GRAMD1B: variants seen among roughly 807,000 people sequenced by gnomAD.
The protein encoded by GRAMD1B is protein Aster-B.
GRAMD1B carries 37 observed loss-of-function variants against 99.7 expected under a neutral mutation model. The ratio of observed to expected loss-of-function variants is 0.37; its 90% CI spans 0.29 to 0.49. GRAMD1B has a LOEUF of 0.49. GRAMD1B is among the 20% of genes least tolerant of loss of function. The pLI, the probability that GRAMD1B is intolerant of heterozygous loss-of-function variation, is 0.98. For missense variants in GRAMD1B, 888 were observed against 1,009.2 expected, an observed-to-expected ratio of 0.88 and a Z score of 1.63; for synonymous variants, 427 against 387.6, an observed-to-expected ratio of 1.10 and a Z score of -1.19.
intron 7 of GRAMD1B, chr11:123,598,488 A>C: frequency 8.3e-7 from 1 of 1,199,006 alleles, no homozygotes; most frequent in South Asian, 1.2e-5. Context: ...GGCTTCTAGA[A>C]AAGCAATGTC....
At chr11:123,448,417 G>A (rs139812660) in intron 1 of GRAMD1B, among the ~76,000 whole-genome samples, 23 of 152,148 alleles carry the variant, frequency 1.5e-4, no homozygotes, top group South Asian at 2.1e-4. Context: ...ACGGGGTTTC[G>A]CCATATTGGC....
intron 2 of GRAMD1B, 110 bp from the exon 3 acceptor site, chr11:123,577,257 G>T: frequency 2.3e-6 from 2 of 887,178 alleles, no homozygotes; most frequent in South Asian, 3.1e-5. Flanking sequence ...CCCTCACCTG[G>T]CTCCCTGAGC....
At chr11:123,375,580 G>A (rs1222583955) in intron 1 of GRAMD1B, among the ~76,000 whole-genome samples, 1 of 152,176 alleles carries the variant, frequency 6.6e-6, no homozygotes, top group Non-Finnish European at 1.5e-5. Flanking sequence ...AAGATAACTA[G>A]CAATGTACTA....
intron 1 of GRAMD1B, among the ~76,000 whole-genome samples, chr11:123,388,862 G>A (rs1205116381): frequency 6.6e-6 from 1 of 152,172 alleles, no homozygotes; most frequent in African/African-American, 2.4e-5. Flanking sequence ...GGAACTGTGA[G>A]AAATAGATTT....
intron 1 of GRAMD1B, among the ~76,000 whole-genome samples, chr11:123,475,289 T>C (rs1156278043): frequency 1.3e-5 from 2 of 152,190 alleles, no homozygotes; most frequent in Non-Finnish European, 2.9e-5. Context: ...CTCAGATTCC[T>C]GTGGATTTTT....
At chr11:123,515,921 C>T (rs1412383200) in intron 2 of GRAMD1B, among the ~76,000 whole-genome samples, 2 of 152,114 alleles carry the variant, frequency 1.3e-5, no homozygotes, top group African/African-American at 4.8e-5. Context: ...GTGGGCAACA[C>T]CACGCCGGGC....
chr11:123,415,394 A>C (rs2953190), intron 1 of GRAMD1B, among the ~76,000 whole-genome samples: 60,741 of 151,810 alleles, frequency 0.4, 14,147 homozygotes, highest in African/African-American at 0.66. Context: ...AGCCACCGTG[A>C]CCAGCCAAGG....
At chr11:123,571,684 G>A (rs73027994) in intron 2 of GRAMD1B, among the ~76,000 whole-genome samples, 1,918 of 152,232 alleles carry the variant, frequency 0.013, 28 homozygotes, top group Non-Finnish European at 0.021. Flanking sequence ...ATGAATGAGA[G>A]CTGATGATTT....
At chr11:123,462,211 C>G (rs1950460726) in intron 1 of GRAMD1B, among the ~76,000 whole-genome samples, 1 of 151,992 alleles carries the variant, frequency 6.6e-6, no homozygotes, top group Admixed American at 6.6e-5. Flanking sequence ...TCGTGATCTG[C>G]CCGCCTTGGC....
At chr11:123,374,286 A>G (rs1279157960) in intron 1 of GRAMD1B, among the ~76,000 whole-genome samples, 1 of 152,164 alleles carries the variant, frequency 6.6e-6, no homozygotes, top group Non-Finnish European at 1.5e-5. Flanking sequence ...GAGGTAGGCC[A>G]TTTTGCTGTT....
chr11:123,542,974 TC>T (rs1944694443), intron 2 of GRAMD1B, among the ~76,000 whole-genome samples: 1 of 94,554 alleles, frequency 1.1e-5, no homozygotes, highest in African/African-American at 2.9e-5. Flanking sequence ...TTTTTCTTTT[TC>T]TTTTTTTTTT....
At chr11:123,596,519 C>T (rs736105) in intron 7 of GRAMD1B, among the ~76,000 whole-genome samples, 133,282 of 152,188 alleles carry the variant, frequency 0.88, 58,520 homozygotes, top group East Asian at 1. Context: ...GGGGAGAATA[C>T]GTTGGATAAA....
At chr11:123,606,852 A>G (rs545952370) in intron 11 of GRAMD1B, 54 bp downstream of exon 11, 257 of 1,399,880 alleles carry the variant, frequency 1.8e-4, no homozygotes, top group Non-Finnish European at 2.2e-4. Flanking sequence ...TGAAGGCTAA[A>G]AGGAGATCTC....
intron 1 of GRAMD1B, among the ~76,000 whole-genome samples, chr11:123,449,440 A>C (rs1238482887): frequency 9.2e-5 from 14 of 152,190 alleles, no homozygotes; most frequent in Non-Finnish European, 1.6e-4. Flanking sequence ...AGTCCTCTTG[A>C]AGCTGAATAA....
chr11:123,400,437 A>G (rs1278659009), intron 1 of GRAMD1B, among the ~76,000 whole-genome samples: 1 of 152,208 alleles, frequency 6.6e-6, no homozygotes, highest in Non-Finnish European at 1.5e-5. Flanking sequence ...AGATCGTGCC[A>G]TTGCAATTCC....
chr11:123,517,055 G>A (rs1941738609), intron 2 of GRAMD1B, among the ~76,000 whole-genome samples: 1 of 152,148 alleles, frequency 6.6e-6, no homozygotes, highest in South Asian at 2.1e-4. Flanking sequence ...GAGTAGCTGG[G>A]ATTACAGGTG....
At chr11:123,436,942 C>G (rs2134230404) in intron 1 of GRAMD1B, among the ~76,000 whole-genome samples, 1 of 152,252 alleles carries the variant, frequency 6.6e-6, no homozygotes, top group East Asian at 1.9e-4. Flanking sequence ...TGTGATGTTC[C>G]CCTTCCTGTG....
intron 19 of GRAMD1B, 139 bp downstream of exon 19, chr11:123,619,363 T>C (rs1380164384): frequency 6.6e-7 from 1 of 1,519,426 alleles, no homozygotes; most frequent in Non-Finnish European, 8.8e-7. Flanking sequence ...AGGCCATGCA[T>C]TGTTCTAAAT....
At chr11:123,538,743 C>A (rs1430078387) in intron 2 of GRAMD1B, among the ~76,000 whole-genome samples, 2 of 152,044 alleles carry the variant, frequency 1.3e-5, no homozygotes, top group Admixed American at 6.6e-5. Flanking sequence ...CCTTAACCTC[C>A]TGAGTAGCTG....
Sources: gnomAD v4.1 joint callset for allele counts (sites outside exome capture counted in the v4.1 genomes callset) on GRCh38, gnomAD v4.1.1 for gene constraint, MANE v1.5 for transcripts, NCBI Gene and HGNC (gene_info 2026-07-23, HGNC 2026-07-21) for gene names.